The following PCDHGB2 variants were observed in gnomAD, a reference collection of about 807,000 sequenced individuals.
The protein encoded by PCDHGB2 is protocadherin gamma-B2.
In PCDHGB2, 55 loss-of-function variants were observed where a neutral mutation model predicts 59.3. That is an observed-to-expected ratio of 0.93 (90% CI 0.75 to 1.16). The LOEUF (loss-of-function observed/expected upper bound fraction) is 1.16. Ranked by LOEUF, PCDHGB2 falls within the 50% of genes most tolerant of loss-of-function variation. The pLI, the probability that PCDHGB2 is intolerant of heterozygous loss-of-function variation, is 0.00. For synonymous variants in PCDHGB2, 516 were observed against 512.0 expected, an observed-to-expected ratio of 1.01 and a Z score of -0.11; for missense variants, 1,228 against 1,198.5, an observed-to-expected ratio of 1.02 and a Z score of -0.36.
Position 141,383,159 on chromosome 5 carries a change from CG to C in PCDHGB2, c.2421+20606del, listed in dbSNP as rs546342817. ...CAGCGCAGCGGCAGCTTGGTCACTG[CG>C]GGCAGGATAGACCGGGAAGAGATCT... On this transcript the variant is annotated intron_variant, in intron 1 of 3. Transcript: ENST00000522605. 2.4e-4 allele frequency: 391 copies of C among 1,614,104 alleles called. 5 individuals are homozygous for C. In the South Asian group the frequency reaches 3.9e-3, roughly 16 times the overall value.
chr5:141,476,438 C>G lies in PCDHGB2; in HGVS notation c.2422-18369C>G. On this transcript the variant is annotated intron_variant, in intron 1 of 3. Coordinates refer to ENST00000522605, the MANE Select transcript of PCDHGB2 (RefSeq NM_018923.3). This position sits in a 1 kb window ranked among gnomAD's most constrained non-coding sequence, Gnocchi z 7.6. The stretch of plus-strand genomic sequence containing the variant: ...GACACTGCCCTCTTGCACTGTAACT[C>G]TGGAGTTGGTAGTGGAGAACCCGCT... 1 of 1,614,090 alleles carries G rather than the reference C, an allele frequency of 6.2e-7. No homozygotes were observed. Among genetic ancestry groups the G allele is most frequent in the Non-Finnish European group, 8.5e-7 (1 of 1,180,026 alleles).
chr5:141,390,185 T>C, intron 1 of PCDHGB2: 1 of 1,614,042 alleles, frequency 6.2e-7, no homozygotes, highest in Non-Finnish European at 8.5e-7. Context: ...TCCTAAAATG[T>C]AGTGAGCAGT....
rs373297942 is a variant in PCDHGB2 at position 141,431,494 on chromosome 5, C to G, written c.2422-63313C>G. ...ACAACGCACCAGCGTTTGCTCAGCCCGAGTACCGCGCGAGCGTTCCGGAGA... is the reference window on the plus strand; with the variant it reads ...ACAACGCACCAGCGTTTGCTCAGCCGGAGTACCGCGCGAGCGTTCCGGAGA... On this transcript the variant is annotated intron_variant, in intron 1 of 3. Transcript: ENST00000522605. This position sits in a 1 kb window ranked among gnomAD's most constrained non-coding sequence, Gnocchi z 4.8. 16 of 1,613,838 alleles carry G rather than the reference C, an allele frequency of 9.9e-6. No individual in the cohort carries two copies. The highest frequency in any genetic ancestry group is 1.4e-5 in the Non-Finnish European group (16 of 1,180,030).
chr5:141,408,699 CAATT>C (rs778787749), intron 1 of PCDHGB2: 9 of 1,613,534 alleles, frequency 5.6e-6, no homozygotes, highest in Non-Finnish European at 6.8e-6. Flanking sequence ...AACATAAACT[CAATT>C]AAAGATTATA....
Position 141,432,928 on chromosome 5 carries a change from C to T in PCDHGB2, c.2422-61879C>T, listed in dbSNP as rs1443097611. ...GGCTGCGGCGCTGGCACAAGTCACG[C>T]CTGCTGCAGGCTTCAGGAGGCGGCT... On this transcript the variant is annotated intron_variant, in intron 1 of 3. Transcript: ENST00000522605. This position sits in a 1 kb window ranked among gnomAD's most constrained non-coding sequence, Gnocchi z 6.0. 1.2e-6 allele frequency: 2 copies of T among 1,614,066 alleles called. No homozygotes were observed. Among genetic ancestry groups the T allele is most frequent in the African/African-American group, 1.3e-5 (1 of 74,942 alleles).
intron 1 of PCDHGB2, chr5:141,403,903 G>T: frequency 1.2e-6 from 2 of 1,613,804 alleles, no homozygotes; most frequent in Non-Finnish European, 1.7e-6. Context: ...TTTATGAAAT[G>T]GAAATACAAG....
chr5:141,415,149 C>T, intron 1 of PCDHGB2: 1 of 1,613,796 alleles, frequency 6.2e-7, no homozygotes, highest in Middle Eastern at 1.6e-4. Context: ...AGCCCCCTCT[C>T]TCCGCCACTG....
In PCDHGB2 at chr5:141,493,930, A is replaced by G. The variant is rs547125826; in HGVS notation, c.2422-877A>G. Among the ~76,000 whole-genome samples the G allele has an allele frequency of 6.6e-6, 1 of 152,268 alleles. No homozygotes were observed. The highest frequency in any genetic ancestry group is 6.5e-5 in the Admixed American group (1 of 15,300). ...TGTGATGGGATAACACACCCCCTGG[A>G]AAGACCAGAAGGGACTCAGGAATGA... On this transcript the variant is annotated intron_variant, in intron 1 of 3. Transcript: ENST00000522605. This position sits in a 1 kb window ranked among gnomAD's most constrained non-coding sequence, Gnocchi z 4.3.
intron 2 of PCDHGB2, among the ~76,000 whole-genome samples, chr5:141,505,050 T>C (rs1190927211): frequency 2.0e-5 from 3 of 152,130 alleles, no homozygotes; most frequent in Non-Finnish European, 4.4e-5. Context: ...TCATCCCAGC[T>C]ACTTGGGAGA....
chr5:141,399,659 T>A (rs1277891886), intron 1 of PCDHGB2: 1 of 1,613,684 alleles, frequency 6.2e-7, no homozygotes, highest in African/African-American at 1.3e-5. Flanking sequence ...GGGGTGGTGT[T>A]CGCGCAGCGC....
intron 1 of PCDHGB2, chr5:141,411,443 G>A (rs780563062): frequency 6.6e-6 from 1 of 151,948 alleles, no homozygotes; most frequent in African/African-American, 2.4e-5. Context: ...CATTAGCAGA[G>A]TGTGGTAGCA....
chr5:141,444,035 T>C (rs928920813), intron 1 of PCDHGB2, among the ~76,000 whole-genome samples: 1 of 151,694 alleles, frequency 6.6e-6, no homozygotes, highest in Non-Finnish European at 1.5e-5. Context: ...ATTCAGTAAA[T>C]CAGATAATTT....
rs978049964 is a variant in PCDHGB2 at position 141,376,740 on chromosome 5, G to A, written c.2421+14184G>A. On this transcript the variant is annotated intron_variant, in intron 1 of 3. Coordinates refer to ENST00000522605, the MANE Select transcript of PCDHGB2 (RefSeq NM_018923.3). ...TGTCGCCCAGGCCGGACTGCGGACT[G>A]CAGTGGCGCAATCTCGGCTCACTGC... is the stretch of plus-strand genomic sequence containing the variant. 6 of 494,230 alleles carry A rather than the reference G, an allele frequency of 1.2e-5. No homozygotes were observed. In the Admixed American group the frequency reaches 1.2e-4, roughly 10 times the overall value. The allele number at this position is 494,230 out of a possible 1,614,324, so 30.6% of individuals were successfully genotyped here.
At chr5:141,447,082 T>C (rs1259827606) in intron 1 of PCDHGB2, among the ~76,000 whole-genome samples, 3 of 152,156 alleles carry the variant, frequency 2.0e-5, no homozygotes, top group Non-Finnish European at 2.9e-5. Context: ...ATTTTTGTTG[T>C]TTAATTTTCT....
chr5:141,384,739 C>A (rs1484877981), intron 1 of PCDHGB2: 1 of 1,613,938 alleles, frequency 6.2e-7, no homozygotes, highest in African/African-American at 1.3e-5. Context: ...GGCCAGCGAG[C>A]CAGGACTCTT....
intron 1 of PCDHGB2, among the ~76,000 whole-genome samples, chr5:141,386,748 G>T (rs1033565005): frequency 6.6e-6 from 1 of 152,190 alleles, no homozygotes; most frequent in African/African-American, 2.4e-5. Flanking sequence ...TCCTATGGCA[G>T]AACTACGGTT....
chr5:141,453,620 A>G (rs2098770145), intron 1 of PCDHGB2, among the ~76,000 whole-genome samples: 1 of 152,196 alleles, frequency 6.6e-6, no homozygotes. Context: ...CAAAAACAAA[A>G]CCTATACATA....
chr5:141,467,535 G>C (rs2099145685), intron 1 of PCDHGB2, among the ~76,000 whole-genome samples: 1 of 152,176 alleles, frequency 6.6e-6, no homozygotes, highest in South Asian at 2.1e-4. Flanking sequence ...GCTGAGATAT[G>C]GATCTGATTA....
At chr5:141,371,131 T>C (rs746254566) in intron 1 of PCDHGB2, 1 of 1,614,004 alleles carries the variant, frequency 6.2e-7, no homozygotes, top group South Asian at 1.1e-5. Flanking sequence ...ACTCAGGACA[T>C]GTACAGGGTC....
Sources: gnomAD v4.1 joint callset for allele counts (sites outside exome capture counted in the v4.1 genomes callset) on GRCh38, gnomAD v4.1.1 for gene constraint, Gnocchi (gnomAD v3.1) non-coding constraint, MANE v1.5 for transcripts, NCBI Gene and HGNC (gene_info 2026-07-23, HGNC 2026-07-21) for gene names.